Variants in ZKSCAN8 observed in about 807,000 individuals in gnomAD.
ZKSCAN8 encodes zinc finger with KRAB and SCAN domains 8.
In ZKSCAN8, 27 loss-of-function variants were observed where a neutral mutation model predicts 57.2. That is an observed-to-expected ratio of 0.47 (90% CI 0.35 to 0.65). The LOEUF is 0.65. Among genes scored for constraint, ZKSCAN8 ranks in the 30% least tolerant of loss-of-function variants. ZKSCAN8 has a pLI of 0.01. For synonymous variants in ZKSCAN8, 214 were observed against 248.7 expected (o/e 0.86, Z 1.31); for missense variants, 597 against 696.3 (o/e 0.86, Z 1.60).
chr6:28,152,372 A>C lies in ZKSCAN8; in HGVS notation c.763A>C (p.Met255Leu). 1 of 1,607,496 alleles carries C rather than the reference A, an allele frequency of 6.2e-7. No individual in the cohort carries two copies. The highest frequency in any genetic ancestry group is 1.1e-5 in the South Asian group (1 of 89,412). ...RDNRPENFRN[M>L]FSLGGETRSE... is the part of the protein sequence containing the mutation. Reference sequence around the variant, plus strand: ...TAACAGGCCAGAAAATTTCAGAAACATGTTCTCCCTGGGTAAGGAGAGGTG... The same window carrying C: ...TAACAGGCCAGAAAATTTCAGAAACCTGTTCTCCCTGGGTAAGGAGAGGTG... Residue 255 changes from methionine to leucine, a missense_variant, in exon 5 of 6, where the codon ATG becomes CTG. By Grantham distance (15) the Met-to-Leu change is conservative (BLOSUM62 2). Coordinates refer to ENST00000330236, the MANE Select transcript of ZKSCAN8 (RefSeq NM_006298.4).
At chr6:28,152,215 T>G (rs778458548) in intron 4 of ZKSCAN8, 46 bp from the exon 5 acceptor site, 39 of 1,570,236 alleles carry the variant, frequency 2.5e-5, no homozygotes, top group Non-Finnish European at 3.2e-5. Context: ...AGGTTTGAGC[T>G]GTGGAACAGT....
intron 1 of ZKSCAN8, among the ~76,000 whole-genome samples, chr6:28,146,413 C>CA (rs746008132): frequency 6.6e-6 from 1 of 152,082 alleles, no homozygotes; most frequent in Non-Finnish European, 1.5e-5. Context: ...TTTTTAAAGG[C>CA]AACAGTATTT....
chr6:28,147,529 A>G (rs1765436550), intron 1 of ZKSCAN8, among the ~76,000 whole-genome samples: 1 of 152,008 alleles, frequency 6.6e-6, no homozygotes, highest in Admixed American at 6.6e-5. Context: ...ACTCATGCAG[A>G]TGTTCATAGT....
In ZKSCAN8 at chr6:28,153,449, A is replaced by T; in HGVS notation, c.1169A>T (p.Asn390Ile). Residue 390 changes from asparagine to isoleucine, a missense_variant, in exon 6 of 6, where the codon AAC (asparagine) becomes ATC (isoleucine). Transcript: ENST00000330236. The part of the protein sequence containing the change: ...CKECGKAFSQ[N>I]TGLILHQRIH... Reference sequence around the variant, plus strand: ...GAGTGTGGCAAAGCCTTCAGTCAGAACACAGGCCTGATTCTGCACCAGAGA... The same window carrying T: ...GAGTGTGGCAAAGCCTTCAGTCAGATCACAGGCCTGATTCTGCACCAGAGA... 1 of 1,614,116 alleles carries T rather than the reference A, an allele frequency of 6.2e-7. No individual in the cohort carries two copies. Among genetic ancestry groups the T allele is most frequent in the Non-Finnish European group, 8.5e-7 (1 of 1,179,996 alleles).
chr6:28,157,725 A>G lies in ZKSCAN8; in HGVS notation c.*3708A>G, dbSNP rs1382568560. On this transcript the variant is annotated 3_prime_UTR_variant, in exon 6 of 6. Transcript: ENST00000330236. ...TGATGCTTTGTAGTACTACAAAGCT[A>G]AATTGTGCAAACAAAACATATTTAA... 1 of 152,236 alleles carries G rather than the reference A, an allele frequency of 6.6e-6. No homozygotes were observed. Among genetic ancestry groups the G allele is most frequent in the Non-Finnish European group, 1.5e-5 (1 of 68,044 alleles). 9.4% of individuals were successfully genotyped at this position (152,236 alleles called of 1,614,324 possible).
chr6:28,148,907 C>G, intron 2 of ZKSCAN8, 83 bp downstream of exon 2: 1 of 1,449,688 alleles, frequency 6.9e-7, no homozygotes, highest in African/African-American at 1.4e-5. Context: ...AGTGGGAGAG[C>G]AGATGCTTAG....
Position 28,153,313 on chromosome 6 carries a change from A to C in ZKSCAN8, c.1033A>C (p.Thr345Pro), listed in dbSNP as rs147815432. The change falls in exon 6 of 6, where the codon ACT becomes CCT. Residue 345 changes from threonine to proline, a missense_variant. Coordinates refer to ENST00000330236, the MANE Select transcript of ZKSCAN8 (RefSeq NM_006298.4). ...CCTTGTTCGCCACTGGAGAATCCACACTGGGGAGAAACCCTATCAGTGTAA... is the reference window on the plus strand; with the variant it reads ...CCTTGTTCGCCACTGGAGAATCCACCCTGGGGAGAAACCCTATCAGTGTAA... ...SGLVRHWRIH[T>P]GEKPYQCNVC... 4 of 1,614,112 alleles carry C rather than the reference A, an allele frequency of 2.5e-6. No homozygotes were observed. The highest frequency in any genetic ancestry group is 3.3e-5 in the Admixed American group (2 of 60,012).
At chr6:28,152,956 T>C in intron 5 of ZKSCAN8, 100 bp from the exon 6 acceptor site, 1 of 1,508,690 alleles carries the variant, frequency 6.6e-7, no homozygotes, top group South Asian at 1.3e-5. Flanking sequence ...TAGCTGTTCA[T>C]GTGTACTTTC....
Position 28,148,330 on chromosome 6 carries a change from A to G in ZKSCAN8, c.-78A>G, listed in dbSNP as rs944625078. On this transcript the variant is annotated 5_prime_UTR_variant, in exon 2 of 6. Coordinates refer to ENST00000330236, the MANE Select transcript of ZKSCAN8 (RefSeq NM_006298.4). The stretch of plus-strand genomic sequence containing the variant: ...TCTTCATGAAGAAGTACCCTTAGAA[A>G]GAGGCCCTCAGAAGAGTCTTCTCTT... The G allele has an allele frequency of 2.4e-5, 34 of 1,446,616 alleles. No homozygotes were observed. The highest frequency in any genetic ancestry group is 3.0e-5 in the Non-Finnish European group (32 of 1,074,640). 89.6% of individuals were successfully genotyped at this position (1,446,616 alleles called of 1,614,324 possible).
chr6:28,151,415 TATCTA>T lies in ZKSCAN8; in HGVS notation c.560-429_560-425del, dbSNP rs1030407547. The stretch of plus-strand genomic sequence containing the variant: ...TATATTTTAATAATAAGCCGTTTAA[TATCTA>T]TAGAAAGCAAATACTGGGAGCCATA... On this transcript the variant is annotated intron_variant, in intron 3 of 5. Coordinates refer to ENST00000330236, the MANE Select transcript of ZKSCAN8 (RefSeq NM_006298.4). Among the ~76,000 whole-genome samples the T allele has an allele frequency of 1.3e-3, 205 of 152,340 alleles. 7 individuals carry two copies. In the South Asian group the frequency reaches 0.034, roughly 25 times the overall value.
At chr6:28,146,021 AC>A (rs1183813180) in intron 1 of ZKSCAN8, among the ~76,000 whole-genome samples, 1 of 152,264 alleles carries the variant, frequency 6.6e-6, no homozygotes, top group Non-Finnish European at 1.5e-5. Context: ...AACCAAAGTT[AC>A]CATTGCAGTT....
intron 5 of ZKSCAN8, 62 bp from the exon 6 acceptor site, chr6:28,152,994 C>G: frequency 6.3e-7 from 1 of 1,577,076 alleles, no homozygotes; most frequent in Non-Finnish European, 8.6e-7. Context: ...GTTCCTTTCT[C>G]CTAGCATAAA....
Position 28,158,191 on chromosome 6 carries a change from G to T in ZKSCAN8, c.*4174G>T, listed in dbSNP as rs1362782747. The T allele has an allele frequency of 6.6e-6, 1 of 151,084 alleles. No homozygotes were observed. The highest frequency in any genetic ancestry group is 1.5e-5 in the Non-Finnish European group (1 of 67,688). The allele number at this position is 151,084 out of a possible 1,614,324, so 9.4% of individuals were successfully genotyped here. ...GAATTCTCCCTCCTTTGGCTTGTGG[G>T]ATCCTTTTTCTCTAATATCTGTCTT... On this transcript the variant is annotated 3_prime_UTR_variant, in exon 6 of 6. Transcript: ENST00000330236.
At chr6:28,152,978 T>A in intron 5 of ZKSCAN8, 78 bp from the exon 6 acceptor site, 1 of 1,552,380 alleles carries the variant, frequency 6.4e-7, no homozygotes, top group East Asian at 2.2e-5. Context: ...TTTTCCCCTA[T>A]CTTCAGTTCC....
At position 28,155,675 on chromosome 6, in the gene ZKSCAN8, G is replaced by A. The variant is rs982241469; in HGVS notation, c.*1658G>A. Reference sequence around the variant, plus strand: ...CATAATTTCACCCTGTGACTATCCTGAAAAGAAATAATAATCATTTTATGA... The same window carrying A: ...CATAATTTCACCCTGTGACTATCCTAAAAAGAAATAATAATCATTTTATGA... On this transcript the variant is annotated 3_prime_UTR_variant, in exon 6 of 6. Transcript: ENST00000330236. The A allele has an allele frequency of 6.5e-6, 1 of 152,672 alleles. No individual in the cohort carries two copies. Among genetic ancestry groups the A allele is most frequent in the Non-Finnish European group, 1.5e-5 (1 of 68,448 alleles). 9.5% of individuals were successfully genotyped at this position (152,672 alleles called of 1,614,324 possible). A position where few individuals can be genotyped will look rare whatever the true frequency, so the allele number is the denominator to read the frequency against.
chr6:28,147,039 A>G (rs1207538867), intron 1 of ZKSCAN8, among the ~76,000 whole-genome samples: 1 of 152,138 alleles, frequency 6.6e-6, no homozygotes, highest in Non-Finnish European at 1.5e-5. Flanking sequence ...TGACATCAAA[A>G]GCACAGTCAA....
At chr6:28,143,777 A>G (rs1416997) in intron 1 of ZKSCAN8, among the ~76,000 whole-genome samples, 9,968 of 152,258 alleles carry the variant, frequency 0.065, 356 homozygotes, top group South Asian at 0.12. Context: ...ACATTAAACC[A>G]TAAGTAGCTA....
chr6:28,147,730 C>G (rs1765442170), intron 1 of ZKSCAN8, among the ~76,000 whole-genome samples: 1 of 151,950 alleles, frequency 6.6e-6, no homozygotes, highest in Non-Finnish European at 1.5e-5. Context: ...TTGGAGTGCT[C>G]CATAGAGAGT....
At position 28,156,174 on chromosome 6, in the gene ZKSCAN8, T is replaced by TAC. The variant is rs146825871; in HGVS notation, c.*2172_*2173dup. The TAC allele has an allele frequency of 3.2e-4, 119 of 371,186 alleles. No individual in the cohort carries two copies. In the South Asian group the frequency reaches 3.6e-3, roughly 11 times the overall value. 23.0% of individuals were successfully genotyped at this position (371,186 alleles called of 1,614,324 possible). A position where few individuals can be genotyped will look rare whatever the true frequency, so the allele number is the denominator to read the frequency against. ...ATATGTGTATGTACACATGTGTATG[T>TAC]ACACACACACACACACCTGCCATAC... is the stretch of plus-strand genomic sequence containing the variant. On this transcript the variant is annotated 3_prime_UTR_variant, in exon 6 of 6. Transcript: ENST00000330236.
Sources: gnomAD v4.1 joint callset for allele counts (sites outside exome capture counted in the v4.1 genomes callset) on GRCh38, gnomAD v4.1.1 for gene constraint, MANE v1.5 for transcripts, NCBI Gene and HGNC (gene_info 2026-07-23, HGNC 2026-07-21) for gene names.